Variants in FOXN4 observed in about 807,000 individuals in gnomAD.
FOXN4 encodes the protein forkhead box N4.
FOXN4 carries 12 observed loss-of-function variants against 45.0 expected under a neutral mutation model. That is an observed-to-expected ratio of 0.27 (90% CI 0.17 to 0.43). The LOEUF (loss-of-function observed/expected upper bound fraction) is 0.43. FOXN4 is among the 20% of genes least tolerant of loss of function. FOXN4 has a pLI of 1.00. For synonymous variants in FOXN4, 297 were observed against 295.0 expected, an observed-to-expected ratio of 1.01 and a Z score of -0.07; for missense variants, 560 against 694.9, an observed-to-expected ratio of 0.81 and a Z score of 2.18.
At position 109,280,012 on chromosome 12, in the gene FOXN4, A is replaced by T. The variant is rs557046315; in HGVS notation, c.1295-82T>A. On this transcript the variant is annotated intron_variant, in intron 9 of 9. Coordinates refer to ENST00000299162, the MANE Select transcript of FOXN4 (RefSeq NM_213596.3). ...GAATCCCCCATCTTAGGGAAGAGGC[A>T]GAGACCATGTGTGGTGTCTAAGTCA... is the stretch of plus-strand genomic sequence containing the variant. The T allele has an allele frequency of 9.5e-6, 15 of 1,573,992 alleles. No homozygotes were observed. The African/African-American group carries it at 1.7e-4, about 18-fold the overall frequency.
chr12:109,293,868 A>C (rs949778920), intron 2 of FOXN4, among the ~76,000 whole-genome samples: 1 of 152,194 alleles, frequency 6.6e-6, no homozygotes, highest in African/African-American at 2.4e-5. Context: ...TTTTGAACTG[A>C]CAGAGCGGTC....
Position 109,291,732 on chromosome 12 carries a change from C to T in FOXN4, c.87-1446G>A, listed in dbSNP as rs1428726393. On this transcript the variant is annotated intron_variant, in intron 2 of 9. Transcript: ENST00000299162. The surrounding 1 kb of genome is among the most constrained non-coding windows in gnomAD (Gnocchi z 6.6). ...TCAGGTGACTGCCTGGCTGCCCCCG[C>T]GATTGGCTGCCTCATAGGGAAACAG... Among the ~76,000 whole-genome samples the T allele has an allele frequency of 2.6e-5, 4 of 152,080 alleles. No individual in the cohort carries two copies. Among genetic ancestry groups the T allele is most frequent in the South Asian group, 2.1e-4 (1 of 4,824 alleles).
In FOXN4 at chr12:109,288,356, C is replaced by T. The variant is rs573109218; in HGVS notation, c.233-176G>A. On this transcript the variant is annotated intron_variant, in intron 3 of 9. Transcript: ENST00000299162. This position sits in a 1 kb window ranked among gnomAD's most constrained non-coding sequence, Gnocchi z 4.3. ...GTGTGTAGTGAAAAGTAGGTTCTTA[C>T]CAGCTGTATAACCTTAGGTCAGCCT... Among the ~76,000 whole-genome samples, 51 of 152,308 alleles carry T rather than the reference C, an allele frequency of 3.3e-4. No individual in the cohort carries two copies. Among genetic ancestry groups the T allele is most frequent in the African/African-American group, 1.2e-3 (50 of 41,564 alleles).
At chr12:109,297,332 A>G (rs1226024519) in intron 2 of FOXN4, among the ~76,000 whole-genome samples, 1 of 152,180 alleles carries the variant, frequency 6.6e-6, no homozygotes. Context: ...CCTTATGAGA[A>G]TCTTTTTGTT....
rs184520825 is a variant in FOXN4, at chr12:109,307,869, A to G, written c.86+367T>C. Among the ~76,000 whole-genome samples, 126 of 152,238 alleles carry G rather than the reference A, an allele frequency of 8.3e-4. 2 individuals are homozygous for G. The East Asian group carries it at 0.023, about 28-fold the overall frequency. ...AGGATAGAACCCAATTCCTCCCAGA[A>G]GGTTTTTTTTTGGCAGGGGGTGGGG... On this transcript the variant is annotated intron_variant, in intron 2 of 9. Transcript: ENST00000299162.
At position 109,284,709 on chromosome 12, in the gene FOXN4, G is replaced by C. The variant is rs141903230; in HGVS notation, c.901+595C>G. On this transcript the variant is annotated intron_variant, in intron 8 of 9. Coordinates refer to ENST00000299162, the MANE Select transcript of FOXN4 (RefSeq NM_213596.3). ...GTGCATCCAGGCCTCACCGGGGTTG[G>C]CTACGCTCCGGTGGATGGCGGCCAG... Among the ~76,000 whole-genome samples the C allele has an allele frequency of 7.2e-5, 11 of 151,764 alleles. No homozygotes were observed. The East Asian group carries it at 2.1e-3, about 30-fold the overall frequency.
In FOXN4 at chr12:109,287,637, G is replaced by A. The variant is rs906310576; in HGVS notation, c.469-113C>T. ...ACCCCAGTTTCAAAACACCTTGTGTGGGGATTCACAACCGTCCAGGAAACA... is the reference window on the plus strand; with the variant it reads ...ACCCCAGTTTCAAAACACCTTGTGTAGGGATTCACAACCGTCCAGGAAACA... On this transcript the variant is annotated intron_variant, in intron 5 of 9. Transcript: ENST00000299162. The surrounding 1 kb of genome is among the most constrained non-coding windows in gnomAD (Gnocchi z 4.1). 1 of 1,365,830 alleles carries A rather than the reference G, an allele frequency of 7.3e-7. No individual in the cohort carries two copies. Among genetic ancestry groups the A allele is most frequent in the Non-Finnish European group, 9.8e-7 (1 of 1,023,352 alleles). The allele number at this position is 1,365,830 out of a possible 1,614,324, so 84.6% of individuals were successfully genotyped here.
intron 2 of FOXN4, among the ~76,000 whole-genome samples, chr12:109,292,712 G>A (rs1161491080): frequency 3.9e-5 from 6 of 152,088 alleles, no homozygotes; most frequent in African/African-American, 4.8e-5. Flanking sequence ...TGGGGTCTGG[G>A]GGTCACACCG....
intron 2 of FOXN4, among the ~76,000 whole-genome samples, chr12:109,295,938 A>G (rs2047812763): frequency 6.6e-6 from 1 of 152,008 alleles, no homozygotes; most frequent in African/African-American, 2.4e-5. Context: ...GTGGCATCTG[A>G]TGTGCTTCCT....
In FOXN4 at chr12:109,287,784, C is replaced by T. The variant is rs2047728186; in HGVS notation, c.468+60G>A. ...GTAAACTGAGGCTCAGAGGGGTCCC[C>T]GGCCAGCCCAAGGCAGGGTGTCTGC... On this transcript the variant is annotated intron_variant, in intron 5 of 9. Transcript: ENST00000299162. This position sits in a 1 kb window ranked among gnomAD's most constrained non-coding sequence, Gnocchi z 4.1. 9.6e-6 allele frequency: 14 copies of T among 1,455,484 alleles called. No individual in the cohort carries two copies. The highest frequency in any genetic ancestry group is 4.3e-5 in the African/African-American group (3 of 69,230). 90.2% of individuals were successfully genotyped at this position (1,455,484 alleles called of 1,614,324 possible).
Position 109,288,183 on chromosome 12 carries a change from G to A in FOXN4, c.233-3C>T, listed in dbSNP as rs1287087494. 39 of 1,547,808 alleles carry A rather than the reference G, an allele frequency of 2.5e-5. No homozygotes were observed. The highest frequency in any genetic ancestry group is 2.0e-4 in the Admixed American group (10 of 50,344). ...GTCGGCCACCCCAGCCAAGGCACCTGCCGGAGAGAAGCACAGAGACGCTGC... is the reference window on the plus strand; with the variant it reads ...GTCGGCCACCCCAGCCAAGGCACCTACCGGAGAGAAGCACAGAGACGCTGC... On this transcript the variant is annotated splice_region_variant and splice_polypyrimidine_tract_variant and intron_variant, in intron 3 of 9. Coordinates refer to ENST00000299162, the MANE Select transcript of FOXN4 (RefSeq NM_213596.3). This position sits in a 1 kb window ranked among gnomAD's most constrained non-coding sequence, Gnocchi z 4.3.
intron 8 of FOXN4, among the ~76,000 whole-genome samples, chr12:109,284,674 A>ATG (rs1491189068): frequency 2.8e-5 from 4 of 144,650 alleles, no homozygotes; most frequent in Non-Finnish European, 4.5e-5. Context: ...GTGTGCGCAC[A>ATG]TGTGTGTGTG....
At position 109,279,505 on chromosome 12, in the gene FOXN4, AG is replaced by A. The variant is rs1429248151; in HGVS notation, c.*165del. ...CTCCAGGGGGAGGCACGAGAAGGAG[AG>A]GGGCTGCTGAGGGGAACCGCTTCCC... On this transcript the variant is annotated 3_prime_UTR_variant, in exon 10 of 10. Transcript: ENST00000299162. 5.6e-5 allele frequency: 56 copies of A among 1,003,772 alleles called. No homozygotes were observed. Among genetic ancestry groups the A allele is most frequent in the Non-Finnish European group, 7.9e-5 (55 of 700,588 alleles). 62.2% of individuals were successfully genotyped at this position (1,003,772 alleles called of 1,614,324 possible). A position where few individuals can be genotyped will look rare whatever the true frequency, so the allele number is the denominator to read the frequency against.
intron 1 of FOXN4, among the ~76,000 whole-genome samples, chr12:109,308,644 A>G (rs879804012): frequency 6.6e-6 from 1 of 152,214 alleles, no homozygotes; most frequent in Non-Finnish European, 1.5e-5. Flanking sequence ...AATAGGAATC[A>G]GAAAAACGAT....
At chr12:109,294,466 G>C (rs11836955) in intron 2 of FOXN4, among the ~76,000 whole-genome samples, 92,215 of 151,356 alleles carry the variant, frequency 0.61, 29,178 homozygotes, top group African/African-American at 0.77. Flanking sequence ...TCGATGGCCA[G>C]GCCCCTGCTT....
At chr12:109,293,639 A>G (rs779088351) in intron 2 of FOXN4, among the ~76,000 whole-genome samples, 1 of 152,208 alleles carries the variant, frequency 6.6e-6, no homozygotes, top group Non-Finnish European at 1.5e-5. Flanking sequence ...CTGGAAGTAC[A>G]GGCACGCGCC....
At chr12:109,281,307 G>A in intron 9 of FOXN4, 100 bp downstream of exon 9, 1 of 1,419,610 alleles carries the variant, frequency 7.0e-7, no homozygotes, top group Non-Finnish European at 9.7e-7. Flanking sequence ...CAAGACTGTG[G>A]GGCAAATGCA....
intron 2 of FOXN4, among the ~76,000 whole-genome samples, chr12:109,292,486 T>C (rs2047778455): frequency 6.6e-6 from 1 of 152,156 alleles, no homozygotes; most frequent in Admixed American, 6.5e-5. Context: ...GCTTAACCTC[T>C]CTGAGCCTCA....
At position 109,279,524 on chromosome 12, in the gene FOXN4, C is replaced by A; in HGVS notation, c.*147G>T. 1.6e-6 allele frequency: 2 copies of A among 1,248,180 alleles called. No homozygotes were observed. Among genetic ancestry groups the A allele is most frequent in the Non-Finnish European group, 2.2e-6 (2 of 913,068 alleles). 77.3% of individuals were successfully genotyped at this position (1,248,180 alleles called of 1,614,324 possible). A position where few individuals can be genotyped will look rare whatever the true frequency, so the allele number is the denominator to read the frequency against. ...AAGGAGAGGGGCTGCTGAGGGGAAC[C>A]GCTTCCCTGTCCAGCCGGCAACTTC... On this transcript the variant is annotated 3_prime_UTR_variant, in exon 10 of 10. Transcript: ENST00000299162.
Sources: allele counts gnomAD v4.1 joint callset (sites outside exome capture counted in the v4.1 genomes callset), GRCh38; gene constraint gnomAD v4.1.1; non-coding constraint Gnocchi (gnomAD v3.1); transcripts MANE v1.5; gene names NCBI Gene and HGNC (gene_info 2026-07-23, HGNC 2026-07-21).